UVRAG: variants seen among roughly 807,000 people sequenced by gnomAD.
The protein encoded by UVRAG is UV radiation resistance-associated gene protein.
UVRAG carries 19 observed loss-of-function variants against 78.0 expected under a neutral mutation model. The ratio of observed to expected loss-of-function variants is 0.24; its 90% confidence interval spans 0.17 to 0.36. The LOEUF is 0.36. UVRAG is among the 10% of genes least tolerant of loss of function. The pLI, the probability that UVRAG is intolerant of heterozygous loss-of-function variation, is 1.00. For synonymous variants in UVRAG, 323 were observed against 324.6 expected (o/e 1.00, Z 0.05); for missense variants, 740 against 853.8 (o/e 0.87, Z 1.66).
intron 5 of UVRAG, among the ~76,000 whole-genome samples, chr11:75,895,152 T>C (rs1030283700): frequency 6.6e-6 from 1 of 152,222 alleles, no homozygotes; most frequent in Non-Finnish European, 1.5e-5. Context: ...TTAAAGCAGC[T>C]TTCAATAATG....
intron 7 of UVRAG, among the ~76,000 whole-genome samples, chr11:75,961,879 G>C (rs1002230411): frequency 2.0e-5 from 3 of 152,088 alleles, no homozygotes; most frequent in African/African-American, 7.2e-5. Context: ...AAAAAAAATG[G>C]GAGCTAATCT....
intron 14 of UVRAG, among the ~76,000 whole-genome samples, chr11:76,124,592 G>T (rs560067378): frequency 6.6e-6 from 1 of 152,372 alleles, no homozygotes; most frequent in East Asian, 1.9e-4. Flanking sequence ...GCACTGAGAA[G>T]TATCCTTGGC....
At chr11:75,960,639 T>C (rs938590944) in intron 6 of UVRAG, among the ~76,000 whole-genome samples, 19 of 152,022 alleles carry the variant, frequency 1.2e-4, no homozygotes, top group Non-Finnish European at 2.8e-4. Flanking sequence ...TGGTGGTGCA[T>C]GCCTGTAGTC....
At chr11:75,929,350 C>T (rs1177409963) in intron 6 of UVRAG, among the ~76,000 whole-genome samples, 1 of 152,114 alleles carries the variant, frequency 6.6e-6, no homozygotes, top group Non-Finnish European at 1.5e-5. Context: ...CTGTCAGTCA[C>T]CCCCCTCCAT....
At chr11:75,877,055 C>G (rs1001818833) in intron 3 of UVRAG, among the ~76,000 whole-genome samples, 9 of 151,286 alleles carry the variant, frequency 5.9e-5, no homozygotes, top group African/African-American at 1.7e-4. Flanking sequence ...TGACTCTTAA[C>G]GAGCATGCTG....
At chr11:76,121,128 G>C (rs1226993485) in intron 14 of UVRAG, among the ~76,000 whole-genome samples, 1 of 152,142 alleles carries the variant, frequency 6.6e-6, no homozygotes, top group African/African-American at 2.4e-5. Flanking sequence ...GAAAAGCTGT[G>C]ATAAAAATCC....
rs1326469696 is a variant in UVRAG at position 75,912,170 on chromosome 11, C to A, written c.593+131C>A. Reference sequence around the variant, plus strand: ...CAAGCTTAGCATTTTTTAGTGCAAGCGTCATAAATTTTGTAGCTACAGTGA... The same window carrying A: ...CAAGCTTAGCATTTTTTAGTGCAAGAGTCATAAATTTTGTAGCTACAGTGA... On this transcript the variant is annotated intron_variant, in intron 6 of 14. Coordinates refer to ENST00000356136, the MANE Select transcript of UVRAG (RefSeq NM_003369.4). 36 of 646,006 alleles carry A rather than the reference C, an allele frequency of 5.6e-5. 1 individual carries two copies. The South Asian group carries it at 7.0e-4, about 13-fold the overall frequency. The allele number at this position is 646,006 out of a possible 1,614,324, so 40.0% of individuals were successfully genotyped here.
chr11:76,115,998 T>C lies in UVRAG; in HGVS notation c.1380T>C (p.His460=), dbSNP rs766580821. The change falls in exon 14 of 15, where the codon CAT becomes CAC. Residue 460 remains histidine, a synonymous_variant. Transcript: ENST00000356136. ...TLPNLKNFME[H]GLMVRCDRHH... is the part of the protein sequence containing the mutation. ...CCAACCTGAAAAACTTCATGGAGCA[T>C]GGACTAATGGTCAGGTGGTGAGTAC... 8 of 1,613,696 alleles carry C rather than the reference T, an allele frequency of 5.0e-6. No individual in the cohort carries two copies. In the East Asian group the frequency reaches 1.8e-4, roughly 36 times the overall value.
intron 8 of UVRAG, among the ~76,000 whole-genome samples, chr11:75,996,287 A>G (rs1949705535): frequency 6.6e-6 from 1 of 152,110 alleles, no homozygotes; most frequent in South Asian, 2.1e-4. Flanking sequence ...TTGAAGATAG[A>G]AGTAAAAAGA....
chr11:76,116,062 A>G (rs1952174867), intron 14 of UVRAG, 47 bp downstream of exon 14: 1 of 1,565,440 alleles, frequency 6.4e-7, no homozygotes, highest in East Asian at 2.3e-5. Flanking sequence ...TGTGGATAGG[A>G]TCCTGAAAAT....
chr11:75,946,699 G>C (rs1948594997), intron 6 of UVRAG, among the ~76,000 whole-genome samples: 1 of 152,154 alleles, frequency 6.6e-6, no homozygotes, highest in African/African-American at 2.4e-5. Flanking sequence ...TGGTCTGAGG[G>C]CTGCTGTCAG....
intron 12 of UVRAG, among the ~76,000 whole-genome samples, chr11:76,050,814 G>T (rs1591177943): frequency 6.6e-6 from 1 of 152,262 alleles, no homozygotes; most frequent in Non-Finnish European, 1.5e-5. Context: ...AATCCTTAAA[G>T]ATTGCTATTA....
intron 6 of UVRAG, among the ~76,000 whole-genome samples, chr11:75,933,542 ACAAT>A (rs56919776): frequency 0.032 from 4,819 of 152,276 alleles, 253 homozygotes; most frequent in African/African-American, 0.11. Flanking sequence ...TGCACAGCAA[ACAAT>A]CAATAAAGTG....
chr11:75,986,454 A>T (rs974203832), intron 8 of UVRAG, among the ~76,000 whole-genome samples: 1 of 152,154 alleles, frequency 6.6e-6, no homozygotes, highest in East Asian at 1.9e-4. Flanking sequence ...GTAATTGTTA[A>T]TGTTACAGTT....
rs373982312 is a variant in UVRAG, at chr11:75,889,514, A to G, written c.507+611A>G. Reference sequence around the variant, plus strand: ...TCGTAGGTTCACCCATCTAGAAAGTAGCTGAGCTGAAATTTCAGGTTGCCT... The same window carrying G: ...TCGTAGGTTCACCCATCTAGAAAGTGGCTGAGCTGAAATTTCAGGTTGCCT... On this transcript the variant is annotated intron_variant, in intron 5 of 14. Transcript: ENST00000356136. Among the ~76,000 whole-genome samples, 58 of 152,338 alleles carry G rather than the reference A, an allele frequency of 3.8e-4. No homozygotes were observed. In the Middle Eastern group the frequency reaches 0.014, roughly 36 times the overall value.
At chr11:75,841,654 ATGACT>A (rs770426899) in intron 1 of UVRAG, among the ~76,000 whole-genome samples, 2 of 152,300 alleles carry the variant, frequency 1.3e-5, no homozygotes, top group African/African-American at 4.8e-5. Flanking sequence ...ACACAATTTT[ATGACT>A]TGTGAAATGC....
chr11:76,097,162 C>A (rs1470311249), intron 13 of UVRAG, among the ~76,000 whole-genome samples: 1 of 152,136 alleles, frequency 6.6e-6, no homozygotes, highest in African/African-American at 2.4e-5. Context: ...CTTCTTTGAG[C>A]CTGTATAACT....
chr11:76,046,273 GA>G (rs2134341163), intron 12 of UVRAG, among the ~76,000 whole-genome samples: 1 of 152,242 alleles, frequency 6.6e-6, no homozygotes, highest in Non-Finnish European at 1.5e-5. Context: ...CAAGTAAGAA[GA>G]AAACATTATT....
chr11:75,950,438 G>A (rs1306482573), intron 6 of UVRAG, among the ~76,000 whole-genome samples: 1 of 152,044 alleles, frequency 6.6e-6, no homozygotes, highest in African/African-American at 2.4e-5. Flanking sequence ...TTTTTTTAGC[G>A]ACAGCGTCTT....
Sources: allele counts gnomAD v4.1 joint callset (sites outside exome capture counted in the v4.1 genomes callset), GRCh38; gene constraint gnomAD v4.1.1; transcripts MANE v1.5; gene names NCBI Gene and HGNC (gene_info 2026-07-23, HGNC 2026-07-21).